The following MAP7D3 variants were observed in gnomAD, a reference collection of about 807,000 sequenced individuals.
MAP7D3 encodes the protein MAP7 domain-containing protein 3.
A neutral mutation model predicts 62.2 loss-of-function variants in MAP7D3; 45 were observed. The ratio of observed to expected loss-of-function variants is 0.72; its 90% confidence interval spans 0.57 to 0.93. MAP7D3 has a LOEUF of 0.93. MAP7D3 is among the 40% of genes least tolerant of loss of function. MAP7D3 has a pLI of 0.00. For synonymous variants in MAP7D3, 288 were observed against 248.8 expected, an observed-to-expected ratio of 1.16 and a Z score of -1.48; for missense variants, 711 against 683.1, an observed-to-expected ratio of 1.04 and a Z score of -0.45.
rs1247063765 is a variant in MAP7D3, at chrX:136,227,408, A to G, written c.1910T>C (p.Met637Thr). Residue 637 changes from methionine to threonine, a missense_variant, in exon 12 of 19, where the codon ATG becomes ACG. Met to Thr is a moderately conservative substitution (Grantham distance 81). Transcript: ENST00000316077. ...QQRVIKKSKD[M>T]AKEAVGGQAE... Reference sequence around the variant, plus strand: ...TTGGCCTCCAACTGCTTCCTTTGCCATGTCTTTTGATTTCTTAATGACCCT... The same window carrying G: ...TTGGCCTCCAACTGCTTCCTTTGCCGTGTCTTTTGATTTCTTAATGACCCT... The G allele has an allele frequency of 8.4e-7, 1 of 1,190,740 alleles. No individual in the cohort carries two copies. The highest frequency in any genetic ancestry group is 1.8e-5 in the African/African-American group (1 of 55,058).
intron 1 of MAP7D3, among the ~76,000 whole-genome samples, chrX:136,247,319 G>C (rs1304459587): frequency 8.9e-6 from 1 of 112,119 alleles, no homozygotes; most frequent in Non-Finnish European, 1.9e-5. Context: ...TTCAGAAAGA[G>C]TATTGAAAAT....
rs1011941232 is a variant in MAP7D3, at chrX:136,217,306, T to C, written c.*1220A>G. 1.8e-5 allele frequency: 2 copies of C among 112,507 alleles called. No homozygotes were observed. Among genetic ancestry groups the C allele is most frequent in the African/African-American group, 6.5e-5 (2 of 30,963 alleles). 9.3% of individuals were successfully genotyped at this position (112,507 alleles called of 1,213,427 possible). Reference sequence around the variant, plus strand: ...TGGTTGTATCTCAAGCCTGAGTGTATACTCAACGACAGAACTGGAGAGTAC... The same window carrying C: ...TGGTTGTATCTCAAGCCTGAGTGTACACTCAACGACAGAACTGGAGAGTAC... On this transcript the variant is annotated 3_prime_UTR_variant, in exon 19 of 19. Transcript: ENST00000316077.
chrX:136,238,054 C>T (rs1307512826), intron 6 of MAP7D3, among the ~76,000 whole-genome samples: 4 of 111,624 alleles, frequency 3.6e-5, no homozygotes, highest in African/African-American at 1.3e-4. Context: ...AGGACATGAA[C>T]TCATCATTTT....
chrX:136,219,120 G>A (rs2148395644), intron 18 of MAP7D3, among the ~76,000 whole-genome samples: 1 of 112,501 alleles, frequency 8.9e-6, no homozygotes, highest in African/African-American at 3.2e-5. Flanking sequence ...CAAAGTGCTG[G>A]GATTACAGGC....
chrX:136,224,973 T>G (rs1291827346), intron 13 of MAP7D3, 93 bp from the exon 14 acceptor site: 1 of 579,402 alleles, frequency 1.7e-6, no homozygotes, highest in Non-Finnish European at 2.8e-6. Flanking sequence ...TTCACAGAGG[T>G]GCACAATGGC....
chrX:136,251,297 G>A lies in MAP7D3; in HGVS notation c.62C>T (p.Ala21Val). 1 of 1,132,606 alleles carries A rather than the reference G, an allele frequency of 8.8e-7. No individual in the cohort carries two copies. Among genetic ancestry groups the A allele is most frequent in the Non-Finnish European group, 1.2e-6 (1 of 861,936 alleles). The allele number at this position is 1,132,606 out of a possible 1,213,427, so 93.3% of individuals were successfully genotyped here. Residue 21 changes from alanine (A) to valine (V), a missense_variant, in exon 1 of 19, where the codon GCA becomes GTA. Coordinates refer to ENST00000316077, the MANE Select transcript of MAP7D3 (RefSeq NM_024597.4). ...GCCACCCGCCCGCTCACCCATCCGT[G>A]CCCGCAGCTCTCTCAAGGATGGGCT... ...GGSPSLRELRARMVAAANEIA... is the reference protein window; with the variant it reads ...GGSPSLRELRVRMVAAANEIA...
At chrX:136,227,135 T>TAATA (rs931223988) in intron 12 of MAP7D3, 149 bp downstream of exon 12, 6 of 426,944 alleles carry the variant, frequency 1.4e-5, no homozygotes, top group South Asian at 7.5e-5. Flanking sequence ...ATCTCAAAAT[T>TAATA]AATAAATAAA....
chrX:136,245,917 T>C (rs1017012814), intron 3 of MAP7D3, 148 bp downstream of exon 3: 8 of 352,825 alleles, frequency 2.3e-5, no homozygotes, highest in African/African-American at 2.1e-4. Flanking sequence ...CCTTCTTGCC[T>C]GATTTAGTAA....
chrX:136,251,214 G>C, intron 1 of MAP7D3, 75 bp downstream of exon 1: 1 of 913,777 alleles, frequency 1.1e-6, no homozygotes, highest in Non-Finnish European at 1.5e-6. Context: ...GCGCCGCTCC[G>C]ACGGCCCGGG....
At chrX:136,225,828 A>AT in intron 13 of MAP7D3, 81 bp downstream of exon 13, 1 of 634,763 alleles carries the variant, frequency 1.6e-6, no homozygotes, top group East Asian at 3.4e-5. Flanking sequence ...CAGATTTGTG[A>AT]TTTTTAAAAA....
At chrX:136,254,205 C>T (rs978185731), upstream of MAP7D3, among the ~76,000 whole-genome samples, 3 of 107,754 alleles carry the variant, frequency 2.8e-5, no homozygotes, top group East Asian at 9.0e-4. Context: ...CTGCCTCAGC[C>T]TCCCAAGTAG....
At chrX:136,238,060 A>AT (rs1391481508) in intron 6 of MAP7D3, among the ~76,000 whole-genome samples, 1 of 111,505 alleles carries the variant, frequency 9.0e-6, no homozygotes, top group East Asian at 2.8e-4. Context: ...TGAACTCATC[A>AT]TTTTTTATGG....
At chrX:136,248,577 A>C (rs1403342795) in intron 1 of MAP7D3, among the ~76,000 whole-genome samples, 7 of 112,557 alleles carry the variant, frequency 6.2e-5, no homozygotes, top group Non-Finnish European at 1.1e-4. Flanking sequence ...ATCCAAAATT[A>C]AAGTAAAAGT....
chrX:136,240,688 G>A (rs2148416863), intron 5 of MAP7D3, among the ~76,000 whole-genome samples: 1 of 111,202 alleles, frequency 9.0e-6, no homozygotes, highest in East Asian at 2.8e-4. Flanking sequence ...TTGAACTCTT[G>A]ACCTCAAGTG....
chrX:136,226,592 C>T (rs1189314127), intron 12 of MAP7D3, among the ~76,000 whole-genome samples: 1 of 111,433 alleles, frequency 9.0e-6, no homozygotes, highest in Non-Finnish European at 1.9e-5. Flanking sequence ...TATGGTTTAT[C>T]TTATCTGTTA....
chrX:136,221,619 T>C (rs2074130992), intron 15 of MAP7D3, among the ~76,000 whole-genome samples: 1 of 112,732 alleles, frequency 8.9e-6, no homozygotes, highest in African/African-American at 3.2e-5. Flanking sequence ...GCCACTGCCC[T>C]GCCTCATCTT....
At chrX:136,223,068 C>T (rs2074149994) in intron 14 of MAP7D3, among the ~76,000 whole-genome samples, 1 of 111,027 alleles carries the variant, frequency 9.0e-6, no homozygotes, top group South Asian at 3.8e-4. Flanking sequence ...TCTTGAGCTC[C>T]TGGGCTCAAG....
In MAP7D3 at chrX:136,231,870, C is replaced by T. The variant is rs771537798; in HGVS notation, c.1087G>A (p.Glu363Lys). The T allele has an allele frequency of 2.0e-5, 24 of 1,209,414 alleles. No homozygotes were observed. Among genetic ancestry groups the T allele is most frequent in the East Asian group, 5.9e-5 (2 of 33,740 alleles). ...DSEMSMDASPELSIEALPKVD... is the reference protein window; with the variant it reads ...DSEMSMDASPKLSIEALPKVD... ...TTCGGGAGTGCTTCTATGCTCAACT[C>T]GGGGGATGCGTCCATGCTCATCTCA... is the stretch of plus-strand genomic sequence containing the variant. Residue 363 changes from glutamate (E) to lysine (K), a missense_variant, in exon 8 of 19, where the codon GAG becomes AAG. Glu to Lys is a moderately conservative substitution (Grantham distance 56, BLOSUM62 1). Transcript: ENST00000316077.
At chrX:136,243,846 T>A (rs193181301) in intron 4 of MAP7D3, among the ~76,000 whole-genome samples, 67 of 110,325 alleles carry the variant, frequency 6.1e-4, no homozygotes, top group African/African-American at 2.1e-3. Flanking sequence ...AGAGAAAAAT[T>A]TGGTGTCAGA....
Sources: allele counts gnomAD v4.1 joint callset (sites outside exome capture counted in the v4.1 genomes callset), GRCh38; gene constraint gnomAD v4.1.1; transcripts MANE v1.5; gene names NCBI Gene and HGNC (gene_info 2026-07-23, HGNC 2026-07-21).